NPHP4: variants seen among roughly 807,000 people sequenced by gnomAD.
NPHP4 encodes nephrocystin-4.
NPHP4 carries 151 observed loss-of-function variants against 155.8 expected under a neutral mutation model. The observed-to-expected ratio is 0.97, with a 90% CI of 0.85 to 1.11. The LOEUF (loss-of-function observed/expected upper bound fraction) is 1.11, where lower values mean the gene tolerates loss of function less well. Ranked by LOEUF, NPHP4 falls within the 50% of genes least tolerant of loss-of-function variation. NPHP4 has a pLI of 0.00. For missense variants in NPHP4, 1,956 were observed against 1,925.7 expected, an observed-to-expected ratio of 1.02 and a Z score of -0.29; for synonymous variants, 845 against 816.8, an observed-to-expected ratio of 1.03 and a Z score of -0.59.
intron 8 of NPHP4, 50 bp downstream of exon 8, chr1:5,948,020 G>T: frequency 7.0e-7 from 1 of 1,421,146 alleles, no homozygotes; most frequent in African/African-American, 1.4e-5. Flanking sequence ...TCATTTCATC[G>T]TGATCCCTTG....
intron 18 of NPHP4, among the ~76,000 whole-genome samples, chr1:5,884,206 C>G (rs1454614193): frequency 1.3e-5 from 2 of 152,168 alleles, no homozygotes; most frequent in Admixed American, 1.3e-4. Flanking sequence ...CAGGAATTCC[C>G]TCCAAACACA....
intron 16 of NPHP4, among the ~76,000 whole-genome samples, chr1:5,893,606 T>A (rs542287866): frequency 1.3e-5 from 2 of 152,360 alleles, no homozygotes; most frequent in African/African-American, 4.8e-5. Flanking sequence ...ACTAGGAGCG[T>A]GACCACTGAA....
intron 3 of NPHP4, among the ~76,000 whole-genome samples, chr1:5,972,843 C>G (rs1249691395): frequency 6.6e-6 from 1 of 151,966 alleles, no homozygotes; most frequent in African/African-American, 2.4e-5. Flanking sequence ...ACCCATCACC[C>G]GAGCAGTATC....
chr1:5,965,305 T>G (rs1466587859), intron 5 of NPHP4, among the ~76,000 whole-genome samples: 1 of 152,086 alleles, frequency 6.6e-6, no homozygotes. Context: ...AAAAGCCCAC[T>G]GCAAGGATGA....
chr1:5,946,863 G>A (rs1647126896), intron 9 of NPHP4, among the ~76,000 whole-genome samples: 1 of 152,262 alleles, frequency 6.6e-6, no homozygotes, highest in Admixed American at 6.5e-5. Flanking sequence ...CCCAGAGGGC[G>A]GTGCCCAGGA....
At chr1:5,979,142 G>A (rs887891792) in intron 2 of NPHP4, among the ~76,000 whole-genome samples, 1 of 152,220 alleles carries the variant, frequency 6.6e-6, no homozygotes, top group Non-Finnish European at 1.5e-5. Context: ...TTCTGTGACA[G>A]GTTCTTACCT....
intron 17 of NPHP4, among the ~76,000 whole-genome samples, chr1:5,888,116 G>C (rs1191443042): frequency 6.6e-6 from 1 of 152,224 alleles, no homozygotes; most frequent in Non-Finnish European, 1.5e-5. Flanking sequence ...GTTTGGCCCA[G>C]TTCTGCATGC....
chr1:5,978,112 G>T (rs774710638), intron 3 of NPHP4, among the ~76,000 whole-genome samples, 158 bp downstream of exon 3: 1 of 151,674 alleles, frequency 6.6e-6, no homozygotes, highest in Non-Finnish European at 1.5e-5. Flanking sequence ...GTAACAAAGC[G>T]CTTGCCGCTA....
intron 10 of NPHP4, among the ~76,000 whole-genome samples, chr1:5,929,646 C>G (rs1646177118): frequency 6.6e-6 from 1 of 152,172 alleles, no homozygotes; most frequent in African/African-American, 2.4e-5. Context: ...CTGGATAAAG[C>G]TCCACTTGGC....
intron 7 of NPHP4, among the ~76,000 whole-genome samples, chr1:5,949,343 T>TACAC (rs140032819): frequency 2.6e-3 from 363 of 140,892 alleles, no homozygotes; most frequent in African/African-American, 5.4e-3. Context: ...TTCACATACA[T>TACAC]ACACACACAC....
intron 3 of NPHP4, among the ~76,000 whole-genome samples, chr1:5,970,755 C>A (rs1652412773): frequency 1.3e-5 from 2 of 152,102 alleles, no homozygotes; most frequent in Admixed American, 6.5e-5. Flanking sequence ...AATAATCCTC[C>A]TATTAACGAG....
intron 7 of NPHP4, 143 bp from the exon 8 acceptor site, chr1:5,948,394 G>A: frequency 1.6e-6 from 1 of 643,644 alleles, no homozygotes; most frequent in Non-Finnish European, 2.6e-6. Flanking sequence ...TAGTCAAGAT[G>A]AGTGCAAGCA....
chr1:5,914,392 C>T (rs1645356027), intron 11 of NPHP4, among the ~76,000 whole-genome samples: 1 of 151,620 alleles, frequency 6.6e-6, no homozygotes, highest in Non-Finnish European at 1.5e-5. Context: ...CGTGACTACG[C>T]CATTGCACTC....
At position 5,867,075 on chromosome 1, in the gene NPHP4, A is replaced by G. The variant is rs746715239; in HGVS notation, c.3513T>C (p.His1171=). 3 of 1,613,260 alleles carry G rather than the reference A, an allele frequency of 1.9e-6. No homozygotes were observed. The highest frequency in any genetic ancestry group is 2.2e-5 in the East Asian group (1 of 44,852). The stretch of plus-strand genomic sequence containing the variant: ...TGACGTTCGGGTCGCTGCAGCGAAC[A>G]TGGACTGGGGGGTCCTCACCAAGCA... ...VGMLGEDPPV[H]VRCSDPNVIC... The change falls in exon 25 of 30, where the codon CAT becomes CAC. Residue 1171 remains histidine, a synonymous_variant. Transcript: ENST00000378156. The surrounding 1 kb of genome is among the most constrained non-coding windows in gnomAD (Gnocchi z 4.1).
intron 20 of NPHP4, chr1:5,876,363 G>A (rs1439812599): frequency 6.6e-6 from 1 of 152,506 alleles, no homozygotes; most frequent in Non-Finnish European, 1.5e-5. Flanking sequence ...CCAGTCCTGT[G>A]GGATCAGGCC....
At chr1:5,909,070 G>A in intron 12 of NPHP4, 82 bp downstream of exon 12, 1 of 1,193,372 alleles carries the variant, frequency 8.4e-7, no homozygotes, top group Non-Finnish European at 1.2e-6. Flanking sequence ...GGGATCCACT[G>A]TGCTTAAGGG....
intron 10 of NPHP4, among the ~76,000 whole-genome samples, chr1:5,931,648 C>T (rs936919388): frequency 1.4e-5 from 2 of 143,580 alleles, no homozygotes; most frequent in Non-Finnish European, 3.0e-5. Context: ...CCAGAAGAAT[C>T]GCGTGAACCT....
intron 5 of NPHP4, among the ~76,000 whole-genome samples, chr1:5,964,070 A>G (rs1447175377): frequency 6.6e-6 from 1 of 152,206 alleles, no homozygotes; most frequent in East Asian, 1.9e-4. Flanking sequence ...ACGAAACACC[A>G]CAGAGCTGTA....
At position 5,905,619 on chromosome 1, in the gene NPHP4, A is replaced by T; in HGVS notation, c.1763+13T>A. 3 of 1,613,712 alleles carry T rather than the reference A, an allele frequency of 1.9e-6. No individual in the cohort carries two copies. Among genetic ancestry groups the T allele is most frequent in the Non-Finnish European group, 2.5e-6 (3 of 1,179,778 alleles). On this transcript the variant is annotated intron_variant, in intron 14 of 29. Coordinates refer to ENST00000378156, the MANE Select transcript of NPHP4 (RefSeq NM_015102.5). The surrounding 1 kb of genome is among the most constrained non-coding windows in gnomAD (Gnocchi z 4.0). ...ACGTGACTGGTTCCATCCCACCCAG[A>T]CCCACACCTCACCTCCTGGTCTGGG...
Sources: gnomAD v4.1 joint callset for allele counts (sites outside exome capture counted in the v4.1 genomes callset) on GRCh38, gnomAD v4.1.1 for gene constraint, Gnocchi (gnomAD v3.1) non-coding constraint, MANE v1.5 for transcripts, NCBI Gene and HGNC (gene_info 2026-07-23, HGNC 2026-07-21) for gene names.